MAD1L1: variants seen among roughly 807,000 people sequenced by gnomAD.
MAD1L1 encodes mitotic arrest deficient 1 like 1.
Under a neutral mutation model 96.9 loss-of-function variants are expected in MAD1L1, and 95 were observed. The ratio of observed to expected loss-of-function variants is 0.98; its 90% CI spans 0.83 to 1.16. The LOEUF (loss-of-function observed/expected upper bound fraction) is 1.16. Among genes scored for constraint, MAD1L1 ranks in the 50% most tolerant of loss-of-function variants. The pLI, the probability that MAD1L1 is intolerant of heterozygous loss-of-function variation, is 0.00. For missense variants in MAD1L1, 1,007 were observed against 954.4 expected, an observed-to-expected ratio of 1.06 and a Z score of -0.73; for synonymous variants, 473 against 396.6, an observed-to-expected ratio of 1.19 and a Z score of -2.29.
chr7:2,211,376 A>G (rs1417564712), intron 10 of MAD1L1, among the ~76,000 whole-genome samples: 5 of 152,212 alleles, frequency 3.3e-5, no homozygotes, highest in Admixed American at 2.6e-4. Flanking sequence ...ACAGGGCTGA[A>G]AGGATCCACA....
chr7:2,225,803 C>T (rs1457933758), intron 3 of MAD1L1, among the ~76,000 whole-genome samples: 4 of 152,238 alleles, frequency 2.6e-5, no homozygotes, highest in Non-Finnish European at 5.9e-5. Context: ...GCAACGGCCT[C>T]GAATGCCACC....
chr7:2,147,803 G>GC (rs1789383874), intron 11 of MAD1L1, among the ~76,000 whole-genome samples: 2 of 152,226 alleles, frequency 1.3e-5, no homozygotes, highest in Admixed American at 6.5e-5. Flanking sequence ...CACAGCGAAG[G>GC]CAACATGGGC....
rs1168252174 is a variant in MAD1L1 at position 2,042,901 on chromosome 7, GTCCACA to G, written c.1218+26287_1218+26292del. On this transcript the variant is annotated intron_variant, in intron 12 of 18. Transcript: ENST00000265854. ...CACACATGTCCACGTCCACGTCCACGTCCACATCCACGTCCACGTCCACATCAAGGC... is the reference window on the plus strand; with the variant it reads ...CACACATGTCCACGTCCACGTCCACGTCCACGTCCACGTCCACATCAAGGC... Among the ~76,000 whole-genome samples, 15 of 96,986 alleles carry G rather than the reference GTCCACA, an allele frequency of 1.5e-4. No individual in the cohort carries two copies. In the South Asian group the frequency reaches 3.4e-3, roughly 22 times the overall value. 63.6% of individuals were successfully genotyped at this position (96,986 alleles called of 152,430 possible). A position where few individuals can be genotyped will look rare whatever the true frequency, so the allele number is the denominator to read the frequency against.
At chr7:2,222,475 G>T in intron 5 of MAD1L1, 100 bp downstream of exon 5, 1 of 1,057,652 alleles carries the variant, frequency 9.5e-7, no homozygotes, top group Non-Finnish European at 1.3e-6. Flanking sequence ...CGTGTGGGAA[G>T]CACAAGTGAA....
chr7:2,040,716 C>G (rs549045499), intron 12 of MAD1L1, among the ~76,000 whole-genome samples: 13 of 152,204 alleles, frequency 8.5e-5, no homozygotes, highest in Non-Finnish European at 1.8e-4. Flanking sequence ...ACCTGGGCAG[C>G]TCCCCGCCAG....
intron 18 of MAD1L1, among the ~76,000 whole-genome samples, chr7:1,834,250 A>G (rs1782841866): frequency 6.6e-6 from 1 of 152,196 alleles, no homozygotes; most frequent in African/African-American, 2.4e-5. Context: ...CAGAGACTTC[A>G]GCTTCGACCT....
At chr7:2,200,553 T>C (rs919128689) in intron 10 of MAD1L1, 1 of 152,284 alleles carries the variant, frequency 6.6e-6, no homozygotes, top group Admixed American at 6.5e-5. Context: ...CAGAGCTCTC[T>C]GCACCTGGAT....
intron 10 of MAD1L1, among the ~76,000 whole-genome samples, chr7:2,188,917 A>G (rs751757349): frequency 6.6e-6 from 1 of 152,216 alleles, no homozygotes; most frequent in Non-Finnish European, 1.5e-5. Context: ...ATGGGAGAAA[A>G]TGTTTGGAAA....
intron 12 of MAD1L1, among the ~76,000 whole-genome samples, chr7:2,036,511 A>C (rs1783443791): frequency 6.6e-6 from 1 of 152,178 alleles, no homozygotes; most frequent in African/African-American, 2.4e-5. Context: ...TCCGGTCGTG[A>C]GTTTGGACTC....
chr7:2,048,474 C>G (rs928643520), intron 12 of MAD1L1, among the ~76,000 whole-genome samples: 2 of 152,224 alleles, frequency 1.3e-5, no homozygotes, highest in African/African-American at 4.8e-5. Flanking sequence ...GCAGTGACCG[C>G]TATACATCGA....
chr7:1,867,794 T>C (rs1370200880), intron 18 of MAD1L1, among the ~76,000 whole-genome samples: 1 of 152,220 alleles, frequency 6.6e-6, no homozygotes, highest in Non-Finnish European at 1.5e-5. Context: ...GGCTGAGCAC[T>C]GGCCCCTGCC....
At chr7:2,128,860 C>T (rs3778987) in intron 11 of MAD1L1, among the ~76,000 whole-genome samples, 41,470 of 152,120 alleles carry the variant, frequency 0.27, 6,979 homozygotes, top group East Asian at 0.43. Context: ...TCAGCTCACA[C>T]TGCAGTCTCT....
At chr7:2,125,411 C>T (rs544109429) in intron 11 of MAD1L1, among the ~76,000 whole-genome samples, 99 of 152,298 alleles carry the variant, frequency 6.5e-4, no homozygotes, top group African/African-American at 2.2e-3. Context: ...GTCCCCCGGG[C>T]GACAGCTCAA....
chr7:1,914,912 C>G (rs1371069017), intron 17 of MAD1L1, among the ~76,000 whole-genome samples: 1 of 152,264 alleles, frequency 6.6e-6, no homozygotes, highest in Admixed American at 6.5e-5. Context: ...CGCGCCGGCC[C>G]TGCTGTGTTG....
chr7:1,980,322 T>G, intron 15 of MAD1L1, 131 bp downstream of exon 15: 2 of 729,030 alleles, frequency 2.7e-6, no homozygotes, highest in Non-Finnish European at 4.5e-6. Flanking sequence ...CACCTGGGCG[T>G]ATCCGCCTCC....
intron 13 of MAD1L1, among the ~76,000 whole-genome samples, chr7:2,002,978 C>T (rs2128493112): frequency 6.6e-6 from 1 of 152,274 alleles, no homozygotes; most frequent in Non-Finnish European, 1.5e-5. Context: ...ACCACCTAAA[C>T]ACATTGCGGC....
chr7:2,198,754 C>T (rs1025926958), intron 10 of MAD1L1, among the ~76,000 whole-genome samples: 1 of 152,190 alleles, frequency 6.6e-6, no homozygotes, highest in African/African-American at 2.4e-5. Context: ...CTCTTGGTAG[C>T]CCCTACTCCT....
chr7:2,151,973 G>A (rs1250644397), intron 10 of MAD1L1, among the ~76,000 whole-genome samples: 1 of 152,176 alleles, frequency 6.6e-6, no homozygotes, highest in Non-Finnish European at 1.5e-5. Flanking sequence ...CACCCAAGGA[G>A]CAGGCTGGCT....
intron 13 of MAD1L1, among the ~76,000 whole-genome samples, chr7:2,013,813 T>A (rs557886012): frequency 6.6e-6 from 1 of 151,860 alleles, no homozygotes. Context: ...GGATGGGGAG[T>A]GTGGACGTGG....
Sources: allele counts gnomAD v4.1 joint callset (sites outside exome capture counted in the v4.1 genomes callset), GRCh38; gene constraint gnomAD v4.1.1; transcripts MANE v1.5; gene names NCBI Gene and HGNC (gene_info 2026-07-23, HGNC 2026-07-21).